Variants in ANO3 observed in about 807,000 individuals in gnomAD.
The protein encoded by ANO3 is anoctamin-3.
A neutral mutation model predicts 144.8 loss-of-function variants in ANO3; 99 were observed. The ratio of observed to expected loss-of-function variants is 0.68; its 90% CI spans 0.58 to 0.81. ANO3 has a LOEUF of 0.81. Among genes scored for constraint, ANO3 ranks in the 30% least tolerant of loss-of-function variants. ANO3 has a pLI of 0.00. For synonymous variants in ANO3, 414 were observed against 392.6 expected (o/e 1.05, Z -0.64); for missense variants, 905 against 1,202.2 (o/e 0.75, Z 3.66).
Position 26,247,729 on chromosome 11 carries a change from T to TA in ANO3, c.154+58399_154+58400insA, listed in dbSNP as rs1852829533. On this transcript the variant is annotated intron_variant, in intron 1 of 27. Transcript: ENST00000672621. ...CATTTAGCTGTAGCTCCAGTCACTT[T>TA]TTTTTTTTTTTTTTTTTGAGACGGA... Among the ~76,000 whole-genome samples the TA allele has an allele frequency of 2.1e-5, 3 of 142,446 alleles. No homozygotes were observed. In the South Asian group the frequency reaches 7.1e-4, roughly 34 times the overall value. 93.5% of individuals were successfully genotyped at this position (142,446 alleles called of 152,430 possible). A position where few individuals can be genotyped will look rare whatever the true frequency, so the allele number is the denominator to read the frequency against.
intron 7 of ANO3, among the ~76,000 whole-genome samples, chr11:26,530,890 CA>C (rs1262416805): frequency 2.0e-5 from 3 of 151,674 alleles, no homozygotes; most frequent in African/African-American, 7.3e-5. Context: ...AAAACAAAAA[CA>C]AAAACAAAAA....
chr11:26,619,866 T>A (rs1852366436), intron 17 of ANO3, among the ~76,000 whole-genome samples: 1 of 152,230 alleles, frequency 6.6e-6, no homozygotes, highest in Non-Finnish European at 1.5e-5. Context: ...CTAGTAATTC[T>A]TATCCAGCCA....
intron 1 of ANO3, among the ~76,000 whole-genome samples, chr11:26,195,332 T>C (rs1291757129): frequency 6.6e-6 from 1 of 152,190 alleles, no homozygotes; most frequent in African/African-American, 2.4e-5. Context: ...GAAATTTTAC[T>C]TTACTTCAGT....
At chr11:26,332,829 T>A (rs1855091430) in intron 1 of ANO3, among the ~76,000 whole-genome samples, 1 of 151,998 alleles carries the variant, frequency 6.6e-6, no homozygotes, top group Admixed American at 6.6e-5. Flanking sequence ...CTTGGGAAAA[T>A]TTATTGTTTG....
At chr11:26,460,419 A>AGGG (rs11288749) in intron 3 of ANO3, among the ~76,000 whole-genome samples, 25 of 114,098 alleles carry the variant, frequency 2.2e-4, no homozygotes, top group African/African-American at 9.3e-4. Flanking sequence ...AGAAGAAGAA[A>AGGG]GGGGGGGGGG....
Position 26,220,666 on chromosome 11 carries a change from G to A in ANO3, c.154+31336G>A, listed in dbSNP as rs538839816. ...TGGTCAGGGACAGGTTTCTTATCATGTCCTCATGATCATTGACTCCTATTT... is the reference window on the plus strand; with the variant it reads ...TGGTCAGGGACAGGTTTCTTATCATATCCTCATGATCATTGACTCCTATTT... On this transcript the variant is annotated intron_variant, in intron 1 of 27. Coordinates refer to the ANO3 transcript ENST00000672621. Among the ~76,000 whole-genome samples the A allele has an allele frequency of 4.6e-5, 7 of 152,286 alleles. No homozygotes were observed. In the South Asian group the frequency reaches 1.4e-3, roughly 32 times the overall value.
chr11:26,194,735 T>C (rs2133906354), intron 1 of ANO3, among the ~76,000 whole-genome samples: 1 of 152,050 alleles, frequency 6.6e-6, no homozygotes, highest in East Asian at 1.9e-4. Flanking sequence ...TGGCTAATTT[T>C]TTGTATTTTT....
At chr11:26,354,083 A>T (rs1855717087) in intron 1 of ANO3, among the ~76,000 whole-genome samples, 2 of 152,180 alleles carry the variant, frequency 1.3e-5, no homozygotes. Context: ...GCCATAAAAG[A>T]TATTTTGCTG....
At position 26,565,991 on chromosome 11, in the gene ANO3, T is replaced by C. The variant is rs74233715; in HGVS notation, c.1447+6212T>C. The C allele has an allele frequency of 8.2e-4, 990 of 1,207,392 alleles. 15 individuals carry two copies. The East Asian group carries it at 0.024, about 29-fold the overall frequency. 74.8% of individuals were successfully genotyped at this position (1,207,392 alleles called of 1,614,324 possible). On this transcript the variant is annotated intron_variant, in intron 14 of 26. Coordinates refer to ENST00000256737, the MANE Select transcript of ANO3 (RefSeq NM_031418.4). Reference sequence around the variant, plus strand: ...TTTTAAAGTGATAAAAATCTAGACATAATATAGAGATGGTAATATCATATT... The same window carrying C: ...TTTTAAAGTGATAAAAATCTAGACACAATATAGAGATGGTAATATCATATT...
rs561771311 is a variant in ANO3 at position 26,582,467 on chromosome 11, C to T, written c.1448-15898C>T. The stretch of plus-strand genomic sequence containing the variant: ...GGGACTGACTATACAGGTATCTGGT[C>T]CTGGTGAAAGTTTCCTGGGAAGGAT... On this transcript the variant is annotated intron_variant, in intron 14 of 26. Transcript: ENST00000256737. Among the ~76,000 whole-genome samples, 9 of 152,210 alleles carry T rather than the reference C, an allele frequency of 5.9e-5. No homozygotes were observed. The East Asian group carries it at 1.7e-3, about 29-fold the overall frequency.
At chr11:26,486,224 G>T (rs553874957) in intron 4 of ANO3, among the ~76,000 whole-genome samples, 1 of 152,024 alleles carries the variant, frequency 6.6e-6, no homozygotes, top group Admixed American at 6.6e-5. Flanking sequence ...AGCTGGATGT[G>T]ATGGCGTGCA....
intron 14 of ANO3, among the ~76,000 whole-genome samples, chr11:26,586,077 T>C (rs1215385319): frequency 6.6e-6 from 1 of 152,196 alleles, no homozygotes; most frequent in East Asian, 1.9e-4. Flanking sequence ...CTTCTACCTC[T>C]TCCATCAGCA....
intron 24 of ANO3, among the ~76,000 whole-genome samples, chr11:26,655,920 T>C (rs1853673018): frequency 6.6e-6 from 1 of 152,170 alleles, no homozygotes; most frequent in South Asian, 2.1e-4. Context: ...TAGGAATTAT[T>C]GGGAGAAAAC....
chr11:26,449,472 G>GTCTCTCTCTC (rs144315408), intron 3 of ANO3, among the ~76,000 whole-genome samples: 2 of 140,424 alleles, frequency 1.4e-5, no homozygotes, highest in African/African-American at 5.3e-5. Flanking sequence ...CTGTCTGTCT[G>GTCTCTCTCTC]TCTCTCTCTC....
At chr11:26,598,067 A>G (rs1851689324) in intron 14 of ANO3, among the ~76,000 whole-genome samples, 1 of 152,192 alleles carries the variant, frequency 6.6e-6, no homozygotes, top group Non-Finnish European at 1.5e-5. Context: ...TATGCAGGTC[A>G]AAATGGTCAA....
At chr11:26,469,318 G>A (rs1247313936) in intron 4 of ANO3, among the ~76,000 whole-genome samples, 1 of 152,022 alleles carries the variant, frequency 6.6e-6, no homozygotes, top group East Asian at 1.9e-4. Flanking sequence ...CTGGGTGTGT[G>A]CATGTATGTG....
intron 1 of ANO3, among the ~76,000 whole-genome samples, chr11:26,235,238 G>T (rs367751603): frequency 5.3e-5 from 8 of 152,132 alleles, no homozygotes; most frequent in African/African-American, 1.9e-4. Flanking sequence ...GCCCAGTCAA[G>T]TCTATGACTA....
intron 5 of ANO3, among the ~76,000 whole-genome samples, chr11:26,511,727 A>G (rs1020689321): frequency 6.6e-6 from 1 of 152,180 alleles, no homozygotes; most frequent in African/African-American, 2.4e-5. Context: ...TGAGATTTGA[A>G]AAATGAATAG....
intron 14 of ANO3, among the ~76,000 whole-genome samples, chr11:26,580,399 T>C (rs1294038599): frequency 6.6e-6 from 1 of 152,206 alleles, no homozygotes; most frequent in Non-Finnish European, 1.5e-5. Flanking sequence ...TTTAAGATTG[T>C]TGTGAATTTG....
Sources: gnomAD v4.1 joint callset for allele counts (sites outside exome capture counted in the v4.1 genomes callset) on GRCh38, gnomAD v4.1.1 for gene constraint, MANE v1.5 for transcripts, NCBI Gene and HGNC (gene_info 2026-07-23, HGNC 2026-07-21) for gene names.